C10orf90: variants seen among roughly 807,000 people sequenced by gnomAD.
C10orf90 encodes chromosome 10 open reading frame 90.
Under a neutral mutation model 62.5 loss-of-function variants are expected in C10orf90, and 56 were observed. The observed-to-expected ratio is 0.90, with a 90% CI of 0.72 to 1.12. The LOEUF (loss-of-function observed/expected upper bound fraction) is 1.12, where lower values mean the gene tolerates loss of function less well. Ranked by LOEUF, C10orf90 falls within the 50% of genes most tolerant of loss-of-function variation. The pLI is 0.00. For synonymous variants in C10orf90, 386 were observed against 340.4 expected (o/e 1.13, Z -1.47); for missense variants, 970 against 880.4 (o/e 1.10, Z -1.29).
rs531110204 is a variant in C10orf90 at position 126,550,752 on chromosome 10, C to T, written c.314-36813G>A. ...CTTGAACTCCTGACCCCGGGTGATT[C>T]ACCTGTTCCAGCCTCCCAAAATGCT... On this transcript the variant is annotated intron_variant, in intron 2 of 9. Transcript: ENST00000488181. Among the ~76,000 whole-genome samples the T allele has an allele frequency of 4.6e-5, 7 of 152,210 alleles. No homozygotes were observed. In the South Asian group the frequency reaches 6.2e-4, roughly 14 times the overall value.
At chr10:126,467,576 T>C (rs1489516356) in intron 4 of C10orf90, among the ~76,000 whole-genome samples, 1 of 152,144 alleles carries the variant, frequency 6.6e-6, no homozygotes, top group East Asian at 1.9e-4. Flanking sequence ...GGCATTTCCA[T>C]TCACTGGACG....
At chr10:126,431,280 G>T (rs1294310465) in intron 7 of C10orf90, among the ~76,000 whole-genome samples, 1 of 152,072 alleles carries the variant, frequency 6.6e-6, no homozygotes, top group African/African-American at 2.4e-5. Flanking sequence ...GTGCCAGGGT[G>T]CAAGGTCACT....
intron 3 of C10orf90, among the ~76,000 whole-genome samples, chr10:126,509,184 A>C (rs78354390): frequency 6.6e-6 from 1 of 152,196 alleles, no homozygotes; most frequent in African/African-American, 2.4e-5. Context: ...AGCAATCATG[A>C]ATGGCATGAA....
chr10:126,526,202 C>T (rs1189720612), intron 2 of C10orf90, among the ~76,000 whole-genome samples: 24 of 151,816 alleles, frequency 1.6e-4, no homozygotes, highest in Admixed American at 1.6e-3. Flanking sequence ...AAACACAGCC[C>T]TTCCTGATGG....
chr10:126,631,392 A>C (rs1455548536), intron 2 of C10orf90, among the ~76,000 whole-genome samples: 2 of 152,082 alleles, frequency 1.3e-5, no homozygotes, highest in Admixed American at 1.3e-4. Flanking sequence ...CCTCTCCTGG[A>C]GACAGCTGCC....
At chr10:126,512,622 C>T (rs943686703) in intron 3 of C10orf90, among the ~76,000 whole-genome samples, 10 of 152,088 alleles carry the variant, frequency 6.6e-5, no homozygotes, top group Non-Finnish European at 1.2e-4. Context: ...CGCCCCCATG[C>T]CCTTCCCTGA....
At chr10:126,511,001 T>C (rs1226617463) in intron 3 of C10orf90, among the ~76,000 whole-genome samples, 5 of 152,212 alleles carry the variant, frequency 3.3e-5, no homozygotes, top group African/African-American at 1.2e-4. Flanking sequence ...CAGCCTACGA[T>C]GTACTTGCCC....
Position 126,608,970 on chromosome 10 carries a change from G to A in C10orf90, c.313+37595C>T, listed in dbSNP as rs11812423. ...CAATAATTTTAAAGAGTATATAGGA[G>A]TTCTGACCAAAAACTTAGAAACCCA... On this transcript the variant is annotated intron_variant, in intron 2 of 9. Coordinates refer to ENST00000488181, the MANE Select transcript of C10orf90 (RefSeq NM_001350921.2). 5.3e-5 allele frequency among the ~76,000 whole-genome samples: 8 copies of A among 152,256 alleles called. No homozygotes were observed. The South Asian group carries it at 1.2e-3, about 24-fold the overall frequency.
At chr10:126,568,542 C>T (rs1049320426) in intron 2 of C10orf90, among the ~76,000 whole-genome samples, 2 of 152,136 alleles carry the variant, frequency 1.3e-5, no homozygotes, top group African/African-American at 4.8e-5. Context: ...GTCAGACACA[C>T]CCTGATAATC....
intron 2 of C10orf90, among the ~76,000 whole-genome samples, chr10:126,550,156 A>T (rs1029664048): frequency 6.6e-6 from 1 of 151,882 alleles, no homozygotes; most frequent in Non-Finnish European, 1.5e-5. Flanking sequence ...GGGTTTTGCC[A>T]TGTTGGCCAG....
At chr10:126,620,821 T>C (rs1304557304) in intron 2 of C10orf90, among the ~76,000 whole-genome samples, 1 of 151,936 alleles carries the variant, frequency 6.6e-6, no homozygotes, top group African/African-American at 2.4e-5. Flanking sequence ...ATAGAAGCCA[T>C]AAAAAAACTT....
At chr10:126,612,061 C>G (rs1845445327) in intron 2 of C10orf90, among the ~76,000 whole-genome samples, 1 of 152,240 alleles carries the variant, frequency 6.6e-6, no homozygotes, top group Non-Finnish European at 1.5e-5. Context: ...TGGCTCACGC[C>G]TATAATCCCA....
intron 3 of C10orf90, among the ~76,000 whole-genome samples, chr10:126,512,573 T>C (rs1283615988): frequency 6.6e-6 from 1 of 152,138 alleles, no homozygotes; most frequent in Non-Finnish European, 1.5e-5. Context: ...TCAGTTGATA[T>C]CTTTCTTAAA....
At chr10:126,535,508 C>T (rs1284606295) in intron 2 of C10orf90, among the ~76,000 whole-genome samples, 2 of 125,486 alleles carry the variant, frequency 1.6e-5, no homozygotes, top group Non-Finnish European at 3.5e-5. Context: ...CAGAGCCAGA[C>T]GCTGTCTCAA....
intron 7 of C10orf90, among the ~76,000 whole-genome samples, chr10:126,434,769 T>C (rs898567358): frequency 2.6e-5 from 4 of 152,188 alleles, no homozygotes; most frequent in Non-Finnish European, 4.4e-5. Flanking sequence ...CCAAAGTCAC[T>C]AGGTCTCTGC....
chr10:126,440,006 A>G (rs1858201681), intron 7 of C10orf90, among the ~76,000 whole-genome samples: 1 of 151,978 alleles, frequency 6.6e-6, no homozygotes, highest in South Asian at 2.1e-4. Flanking sequence ...GGAGAAGGAA[A>G]CCTCCAGCTG....
intron 2 of C10orf90, among the ~76,000 whole-genome samples, chr10:126,579,169 G>A (rs1312322321): frequency 6.6e-6 from 1 of 151,990 alleles, no homozygotes; most frequent in Non-Finnish European, 1.5e-5. Context: ...CTCTACAGAA[G>A]CAGGGGCCAC....
intron 2 of C10orf90, among the ~76,000 whole-genome samples, chr10:126,535,746 G>C (rs1013347708): frequency 6.6e-6 from 1 of 152,164 alleles, no homozygotes; most frequent in Non-Finnish European, 1.5e-5. Context: ...CTCTGCCTTA[G>C]CCAGCCGAGC....
intron 2 of C10orf90, chr10:126,524,734 C>G: frequency 1.0e-6 from 1 of 985,530 alleles, no homozygotes; most frequent in Non-Finnish European, 1.2e-6. Context: ...AGTGCACGCA[C>G]CTGTATGGCC....
Sources: allele counts gnomAD v4.1 joint callset (sites outside exome capture counted in the v4.1 genomes callset), GRCh38; gene constraint gnomAD v4.1.1; transcripts MANE v1.5; gene names NCBI Gene and HGNC (gene_info 2026-07-23, HGNC 2026-07-21).